Variants in STYXL1 observed in about 807,000 individuals in gnomAD.
The protein encoded by STYXL1 is serine/threonine/tyrosine interacting like 1.
Under a neutral mutation model 36.4 loss-of-function variants are expected in STYXL1, and 32 were observed. That is an observed-to-expected ratio of 0.88 (90% confidence interval 0.66 to 1.18). The LOEUF is 1.18. Among genes scored for constraint, STYXL1 ranks in the 50% most tolerant of loss-of-function variants. STYXL1 has a pLI of 0.00. For missense variants in STYXL1, 354 were observed against 394.1 expected (o/e 0.90, Z 0.86); for synonymous variants, 133 against 144.1 (o/e 0.92, Z 0.55).
chr7:76,003,519 C>G (rs1200787956), intron 7 of STYXL1, among the ~76,000 whole-genome samples: 1 of 152,212 alleles, frequency 6.6e-6, no homozygotes, highest in Admixed American at 6.5e-5. Context: ...AGGGCCAGAG[C>G]CTTGGGCCCC....
chr7:75,997,888 AG>A (rs1221340943), intron 8 of STYXL1, among the ~76,000 whole-genome samples: 17 of 152,234 alleles, frequency 1.1e-4, no homozygotes, highest in African/African-American at 4.1e-4. Flanking sequence ...TATTTAACCA[AG>A]GAGGCAAAAG....
chr7:76,026,001 G>A (rs1282724469), intron 3 of STYXL1, among the ~76,000 whole-genome samples: 3 of 150,550 alleles, frequency 2.0e-5, no homozygotes, highest in African/African-American at 7.3e-5. Context: ...GAGCATCCTG[G>A]CTAACACGGT....
intron 1 of STYXL1, chr7:76,045,198 T>C (rs1796835257): frequency 6.6e-6 from 1 of 152,232 alleles, no homozygotes; most frequent in Admixed American, 6.6e-5. Flanking sequence ...TTACCCATTC[T>C]TCCCATGAGA....
chr7:76,010,970 T>C (rs1792482735), intron 5 of STYXL1, among the ~76,000 whole-genome samples: 1 of 152,186 alleles, frequency 6.6e-6, no homozygotes, highest in Non-Finnish European at 1.5e-5. Flanking sequence ...ATTCCAGTAC[T>C]TTGAGAGGCC....
At chr7:76,014,416 A>G (rs1369718016) in intron 4 of STYXL1, among the ~76,000 whole-genome samples, 1 of 151,492 alleles carries the variant, frequency 6.6e-6, no homozygotes, top group Non-Finnish European at 1.5e-5. Flanking sequence ...CAGTGGTACA[A>G]TCTCGGCTCA....
At chr7:76,034,684 C>T (rs782419178) in intron 1 of STYXL1, among the ~76,000 whole-genome samples, 1 of 152,204 alleles carries the variant, frequency 6.6e-6, no homozygotes, top group Admixed American at 6.5e-5. Flanking sequence ...CTGGCCTGTG[C>T]ACTGCTATGT....
At chr7:76,000,273 A>G (rs1790724210) in intron 8 of STYXL1, among the ~76,000 whole-genome samples, 1 of 151,014 alleles carries the variant, frequency 6.6e-6, no homozygotes, top group South Asian at 2.1e-4. Context: ...TTCACCCCCA[A>G]AGTGCACATG....
chr7:76,015,722 A>C (rs1793206556), intron 4 of STYXL1, among the ~76,000 whole-genome samples: 1 of 152,208 alleles, frequency 6.6e-6, no homozygotes, highest in African/African-American at 2.4e-5. Flanking sequence ...GATTGGGTTG[A>C]AGGATGCAAA....
chr7:76,022,496 G>GA (rs34947795), intron 3 of STYXL1, among the ~76,000 whole-genome samples: 3,280 of 146,422 alleles, frequency 0.022, 112 homozygotes, highest in African/African-American at 0.073. Context: ...CCGACTCTAT[G>GA]AAAAAAAAAA....
Position 76,005,272 on chromosome 7 carries a change from C to A in STYXL1, c.586G>T (p.Asp196Tyr). 6.2e-7 allele frequency: 1 copy of A among 1,603,948 alleles called. No individual in the cohort carries two copies. Among genetic ancestry groups the A allele is most frequent in the African/African-American group, 1.3e-5 (1 of 74,898 alleles). ...KIKAHVNVSM[D>Y]TGPFFAGDAD... ...CTCTTTACTTACAAGGGCCCTGTAT[C>A]CATGGAGACATTGACATGGGCTTTG... Residue 196 changes from aspartate (D) to tyrosine (Y), a missense_variant, in exon 6 of 9, where the codon GAT (aspartate) becomes TAT (tyrosine). Coordinates refer to ENST00000359697, the MANE Select transcript of STYXL1 (RefSeq NM_001317785.2).
chr7:76,031,799 TG>T (rs1554579443), intron 1 of STYXL1, among the ~76,000 whole-genome samples: 1 of 152,070 alleles, frequency 6.6e-6, no homozygotes. Flanking sequence ...ACATACCACA[TG>T]GGCTGTAAAA....
intron 1 of STYXL1, among the ~76,000 whole-genome samples, chr7:76,031,474 G>A: frequency 6.6e-6 from 1 of 151,974 alleles, no homozygotes; most frequent in African/African-American, 2.4e-5. Flanking sequence ...CAACACTTTG[G>A]GAGGCCGAGG....
intron 5 of STYXL1, among the ~76,000 whole-genome samples, chr7:76,009,861 T>A (rs190654294): frequency 2.6e-5 from 4 of 152,252 alleles, no homozygotes; most frequent in African/African-American, 9.6e-5. Flanking sequence ...GTCACCTACA[T>A]TCTAAAGACA....
intron 4 of STYXL1, among the ~76,000 whole-genome samples, chr7:76,021,471 C>T (rs539812281): frequency 7.9e-5 from 12 of 152,130 alleles, no homozygotes; most frequent in African/African-American, 2.2e-4. Context: ...TCAGGTCCCG[C>T]GTACTGATGA....
chr7:76,034,289 G>T (rs1308260376), intron 1 of STYXL1, among the ~76,000 whole-genome samples: 1 of 152,024 alleles, frequency 6.6e-6, no homozygotes, highest in Non-Finnish European at 1.5e-5. Flanking sequence ...AAGAGATGGG[G>T]TCTCACTATG....
At chr7:76,031,225 G>C (rs1364118112) in intron 1 of STYXL1, among the ~76,000 whole-genome samples, 1 of 148,866 alleles carries the variant, frequency 6.7e-6, no homozygotes, top group Non-Finnish European at 1.5e-5. Flanking sequence ...CAGCTACTCG[G>C]GAGACTGAGG....
chr7:76,004,599 G>A (rs894154988), intron 6 of STYXL1, among the ~76,000 whole-genome samples: 10 of 152,170 alleles, frequency 6.6e-5, no homozygotes, highest in Non-Finnish European at 2.9e-5. Flanking sequence ...CAGCTACTGG[G>A]GAGGCTGAGG....
chr7:76,021,032 C>A (rs1291098698), intron 4 of STYXL1, among the ~76,000 whole-genome samples: 2 of 152,092 alleles, frequency 1.3e-5, no homozygotes, highest in Non-Finnish European at 2.9e-5. Context: ...TTGCTCACAG[C>A]TGTTTGATGT....
intron 1 of STYXL1, among the ~76,000 whole-genome samples, chr7:76,038,570 C>T (rs998048072): frequency 1.3e-4 from 20 of 150,992 alleles, no homozygotes; most frequent in Admixed American, 1.3e-3. Flanking sequence ...GGACTACAGG[C>T]GTCTGCCACC....
Sources: gnomAD v4.1 joint callset for allele counts (sites outside exome capture counted in the v4.1 genomes callset) on GRCh38, gnomAD v4.1.1 for gene constraint, MANE v1.5 for transcripts, NCBI Gene and HGNC (gene_info 2026-07-23, HGNC 2026-07-21) for gene names.